PABPC4L: variants seen among roughly 807,000 people sequenced by gnomAD.
PABPC4L encodes the protein poly(A) binding protein cytoplasmic 4 like.
For missense variants in PABPC4L, 452 were observed against 451.4 expected (o/e 1.00, Z -0.01); for synonymous variants, 169 against 164.1 (o/e 1.03, Z -0.23).
At chr4:134,142,568 A>AT in the PABPC4L span, among the ~76,000 whole-genome samples, 4 of 151,624 alleles carry the variant, frequency 2.6e-5, no homozygotes, top group East Asian at 1.9e-4. Flanking sequence ...CCTCATATAA[A>AT]TTTTTTTTAA....
chr4:133,990,784 T>C, the PABPC4L span, among the ~76,000 whole-genome samples: 2 of 152,208 alleles, frequency 1.3e-5, no homozygotes, highest in Non-Finnish European at 2.9e-5. Context: ...GGTTGGTTTC[T>C]GGAGACATAA....
At chr4:134,105,261 TTAAAAATA>T in the PABPC4L span, among the ~76,000 whole-genome samples, 3 of 151,698 alleles carry the variant, frequency 2.0e-5, no homozygotes, top group African/African-American at 7.2e-5. Flanking sequence ...ACACTTCAAT[TTAAAAATA>T]TATCTCTGTG....
At chr4:134,049,711 T>A in the PABPC4L span, among the ~76,000 whole-genome samples, 1 of 152,202 alleles carries the variant, frequency 6.6e-6, no homozygotes, top group South Asian at 2.1e-4. Context: ...CAGGATTGCA[T>A]ATTCTGTTTA....
chr4:134,037,099 T>C, the PABPC4L span, among the ~76,000 whole-genome samples: 1 of 151,970 alleles, frequency 6.6e-6, no homozygotes, highest in Non-Finnish European at 1.5e-5. Flanking sequence ...CCAGATTTAT[T>C]ATTTTCGTAT....
chr4:134,118,488 A>G, the PABPC4L span, among the ~76,000 whole-genome samples: 1 of 151,866 alleles, frequency 6.6e-6, no homozygotes, highest in Non-Finnish European at 1.5e-5. Flanking sequence ...GGAGTGATTG[A>G]CAGTCTAAGG....
Position 134,197,857 on chromosome 4 carries a change from T to C in PABPC4L, c.*2050A>G, listed in dbSNP as rs1269313504. The C allele has an allele frequency of 6.6e-6, 1 of 151,812 alleles. No homozygotes were observed. The highest frequency in any genetic ancestry group is 1.5e-5 in the Non-Finnish European group (1 of 67,724). 9.4% of individuals were successfully genotyped at this position (151,812 alleles called of 1,614,324 possible). A position where few individuals can be genotyped will look rare whatever the true frequency, so the allele number is the denominator to read the frequency against. ...CCTACAATGACAATGGAAATGTAAG[T>C]GCCACAAGTATTCTGGACAGCATTT... On this transcript the variant is annotated 3_prime_UTR_variant, in exon 2 of 2. Coordinates refer to ENST00000421491, the MANE Select transcript of PABPC4L (RefSeq NM_001114734.2).
the PABPC4L span, among the ~76,000 whole-genome samples, chr4:134,097,063 T>C: frequency 6.6e-6 from 1 of 152,044 alleles, no homozygotes; most frequent in South Asian, 2.1e-4. Context: ...ATTGTTTTAT[T>C]ACTTTTGGTT....
the PABPC4L span, among the ~76,000 whole-genome samples, chr4:134,178,661 C>G: frequency 1.3e-5 from 2 of 151,966 alleles, no homozygotes; most frequent in African/African-American, 4.8e-5. Flanking sequence ...TAAAACAATA[C>G]AGGAGTTGAA....
the PABPC4L span, among the ~76,000 whole-genome samples, chr4:134,001,263 C>T: frequency 4.1e-4 from 59 of 143,330 alleles, no homozygotes; most frequent in South Asian, 2.3e-4. Context: ...ACAGCATGAG[C>T]AAGAGCACCA....
the PABPC4L span, among the ~76,000 whole-genome samples, chr4:134,100,652 ATTCT>A: frequency 6.6e-6 from 1 of 151,618 alleles, no homozygotes; most frequent in Admixed American, 6.6e-5. Context: ...ACCGAATTGT[ATTCT>A]GGGTTATATA....
the PABPC4L span, among the ~76,000 whole-genome samples, chr4:134,107,872 C>G: frequency 6.6e-6 from 1 of 151,242 alleles, no homozygotes; most frequent in African/African-American, 2.4e-5. Context: ...AGATATAACA[C>G]CTAATGCTTT....
At chr4:134,009,180 A>T in the PABPC4L span, among the ~76,000 whole-genome samples, 1 of 152,004 alleles carries the variant, frequency 6.6e-6, no homozygotes, top group African/African-American at 2.4e-5. Flanking sequence ...AAATTTCAAA[A>T]TTAAAAATAT....
At chr4:134,137,067 A>G in the PABPC4L span, among the ~76,000 whole-genome samples, 1 of 152,098 alleles carries the variant, frequency 6.6e-6, no homozygotes, top group South Asian at 2.1e-4. Context: ...CATAAATGTC[A>G]AGAGCAAGGG....
chr4:134,068,460 T>C, the PABPC4L span, among the ~76,000 whole-genome samples: 2 of 152,184 alleles, frequency 1.3e-5, no homozygotes, highest in African/African-American at 4.8e-5. Flanking sequence ...TATTGGATGT[T>C]GCTTCTTTAT....
chr4:133,967,165 G>A, the PABPC4L span, among the ~76,000 whole-genome samples: 497 of 152,130 alleles, frequency 3.3e-3, 4 homozygotes, highest in African/African-American at 8.9e-3. Flanking sequence ...AGTTTTAAAT[G>A]TATTAAATTT....
At chr4:133,948,522 C>T in the PABPC4L span, among the ~76,000 whole-genome samples, 1 of 152,166 alleles carries the variant, frequency 6.6e-6, no homozygotes, top group Non-Finnish European at 1.5e-5. Flanking sequence ...AACTATGTCC[C>T]CTGCCTAGAG....
the PABPC4L span, among the ~76,000 whole-genome samples, chr4:134,112,449 C>T: frequency 6.6e-6 from 1 of 151,826 alleles, no homozygotes; most frequent in Non-Finnish European, 1.5e-5. Flanking sequence ...AGATTATATA[C>T]AACAATCTAT....
At chr4:134,006,663 G>A in the PABPC4L span, among the ~76,000 whole-genome samples, 1 of 151,912 alleles carries the variant, frequency 6.6e-6, no homozygotes, top group East Asian at 1.9e-4. Context: ...GGCTTCTCTG[G>A]AAAAAGTATG....
the PABPC4L span, among the ~76,000 whole-genome samples, chr4:134,082,193 A>C: frequency 6.6e-6 from 1 of 152,186 alleles, no homozygotes; most frequent in African/African-American, 2.4e-5. Context: ...AGGTTATTAA[A>C]AACAGCTTTT....
Sources: gnomAD v4.1 joint callset for allele counts (sites outside exome capture counted in the v4.1 genomes callset) on GRCh38, gnomAD v4.1.1 for gene constraint, MANE v1.5 for transcripts, NCBI Gene and HGNC (gene_info 2026-07-23, HGNC 2026-07-21) for gene names.